DPP6: variants seen among roughly 807,000 people sequenced by gnomAD.
The protein encoded by DPP6 is dipeptidyl peptidase like 6.
In DPP6, 69 loss-of-function variants were observed where a neutral mutation model predicts 122.6. The observed-to-expected ratio is 0.56, with a 90% CI of 0.46 to 0.69. DPP6 has a LOEUF of 0.69. DPP6 is among the 30% of genes least tolerant of loss of function. The probability of loss-of-function intolerance (pLI) is 0.00; values close to 1 mark genes in which losing one functional copy is unlikely to be tolerated. For synonymous variants in DPP6, 418 were observed against 433.1 expected (o/e 0.97, Z 0.43); for missense variants, 928 against 1,116.9 (o/e 0.83, Z 2.41).
chr7:154,794,873 T>C (rs952370457), intron 11 of DPP6, among the ~76,000 whole-genome samples: 1 of 2,960 alleles, frequency 3.4e-4, no homozygotes, highest in Admixed American at 4.1e-3. Context: ...TATCGATTAA[T>C]ACATTCAGGC....
intron 7 of DPP6, among the ~76,000 whole-genome samples, chr7:154,696,317 G>A (rs1840217108): frequency 6.6e-6 from 1 of 152,190 alleles, no homozygotes; most frequent in Non-Finnish European, 1.5e-5. Context: ...ATGGGCAGAG[G>A]GAGAGGAAAG....
At chr7:154,759,742 C>T (rs894643106) in intron 8 of DPP6, among the ~76,000 whole-genome samples, 5 of 152,340 alleles carry the variant, frequency 3.3e-5, no homozygotes, top group South Asian at 2.1e-4. Context: ...AGCCAGATAG[C>T]GTGTCTCCAA....
intron 1 of DPP6, among the ~76,000 whole-genome samples, chr7:154,388,071 G>A (rs923435352): frequency 6.6e-6 from 1 of 152,126 alleles, no homozygotes; most frequent in African/African-American, 2.4e-5. Flanking sequence ...GAAGACCAAG[G>A]GGGGAGTTTC....
chr7:154,296,583 G>C (rs917927240), intron 1 of DPP6, among the ~76,000 whole-genome samples: 1 of 152,186 alleles, frequency 6.6e-6, no homozygotes, highest in Non-Finnish European at 1.5e-5. Flanking sequence ...GCAGCACTGT[G>C]ATTACCGTTA....
chr7:154,871,295 G>T (rs1182940164), intron 18 of DPP6, among the ~76,000 whole-genome samples: 1 of 152,166 alleles, frequency 6.6e-6, no homozygotes, highest in African/African-American at 2.4e-5. Context: ...CTGTCCAGCA[G>T]GGGGTTTCCT....
At chr7:153,820,649 A>G in the DPP6 span, among the ~76,000 whole-genome samples, 13 of 152,144 alleles carry the variant, frequency 8.5e-5, no homozygotes, top group Non-Finnish European at 1.8e-4. Context: ...TCACATAGCA[A>G]AGGAGGCCAA....
chr7:154,319,763 T>C (rs992947176), intron 1 of DPP6, among the ~76,000 whole-genome samples: 4 of 151,506 alleles, frequency 2.6e-5, no homozygotes, highest in Non-Finnish European at 5.9e-5. Context: ...GATGCTGAGG[T>C]GGGCAGATCA....
intron 7 of DPP6, among the ~76,000 whole-genome samples, chr7:154,703,936 C>CAAA (rs201268829): frequency 8.1e-6 from 1 of 122,720 alleles, no homozygotes; most frequent in Non-Finnish European, 1.8e-5. Context: ...GACTCTGTCT[C>CAAA]AAAAAAAAAA....
intron 18 of DPP6, among the ~76,000 whole-genome samples, chr7:154,870,212 G>T (rs59369715): frequency 0.18 from 26,492 of 149,196 alleles, 2,820 homozygotes; most frequent in East Asian, 0.53. Context: ...CTTGAACTAC[G>T]GGGCTCAAGC....
chr7:154,167,583 T>G (rs1466022138), intron 1 of DPP6, among the ~76,000 whole-genome samples: 1 of 152,218 alleles, frequency 6.6e-6, no homozygotes, highest in African/African-American at 2.4e-5. Flanking sequence ...CTCTCTTACT[T>G]GGTTGGGATC....
At chr7:154,018,948 A>G (rs2129051245) in intron 1 of DPP6, among the ~76,000 whole-genome samples, 1 of 152,304 alleles carries the variant, frequency 6.6e-6, no homozygotes, top group Non-Finnish European at 1.5e-5. Flanking sequence ...AGTTTTAAGT[A>G]CAGCCCTTAG....
intron 1 of DPP6, among the ~76,000 whole-genome samples, chr7:154,340,510 A>G (rs985379945): frequency 2.6e-5 from 4 of 152,238 alleles, no homozygotes; most frequent in Non-Finnish European, 4.4e-5. Context: ...CTCACTGGCT[A>G]TGGTGAATAA....
At chr7:154,840,137 G>A (rs575064203) in intron 16 of DPP6, among the ~76,000 whole-genome samples, 4 of 152,294 alleles carry the variant, frequency 2.6e-5, no homozygotes, top group Admixed American at 6.5e-5. Context: ...CACAGGTAGC[G>A]CCCACCAAGT....
chr7:153,903,178 C>T (rs376048022), intron 1 of DPP6, among the ~76,000 whole-genome samples: 2 of 152,266 alleles, frequency 1.3e-5, no homozygotes, highest in East Asian at 1.9e-4. Flanking sequence ...AAGAAAAAAA[C>T]TCAGCCATAT....
At chr7:153,819,077 C>CTTTTTTTTTTTTT in the DPP6 span, among the ~76,000 whole-genome samples, 15 of 99,850 alleles carry the variant, frequency 1.5e-4, no homozygotes, top group Admixed American at 3.7e-4. Context: ...CTTTTCTTTT[C>CTTTTTTTTTTTTT]TTTTTTTTTT....
chr7:154,440,731 G>T (rs200962399), intron 1 of DPP6, among the ~76,000 whole-genome samples: 2 of 152,184 alleles, frequency 1.3e-5, no homozygotes, highest in Admixed American at 6.5e-5. Flanking sequence ...TGTTATGAGA[G>T]AAATAATTTA....
At chr7:153,841,684 A>G in the DPP6 span, among the ~76,000 whole-genome samples, 3 of 152,224 alleles carry the variant, frequency 2.0e-5, no homozygotes, top group Non-Finnish European at 2.9e-5. Context: ...TCTTAAAGCA[A>G]CTAGAGTCAG....
chr7:154,189,685 C>T (rs1798519180), intron 1 of DPP6, among the ~76,000 whole-genome samples: 2 of 152,274 alleles, frequency 1.3e-5, no homozygotes, highest in South Asian at 2.1e-4. Context: ...TCTCCCTTCC[C>T]TCTCATGCCG....
At chr7:154,067,452 T>A (rs946843603) in intron 1 of DPP6, among the ~76,000 whole-genome samples, 23 of 151,584 alleles carry the variant, frequency 1.5e-4, no homozygotes, top group African/African-American at 4.6e-4. Context: ...AACAACCCCA[T>A]GGTTATCAGA....
Sources: gnomAD v4.1 joint callset for allele counts (sites outside exome capture counted in the v4.1 genomes callset) on GRCh38, gnomAD v4.1.1 for gene constraint, MANE v1.5 for transcripts, NCBI Gene and HGNC (gene_info 2026-07-23, HGNC 2026-07-21) for gene names.